The following WRNIP1 variants were observed in gnomAD, a reference collection of about 807,000 sequenced individuals.
The protein encoded by WRNIP1 is ATPase WRNIP1.
Under a neutral mutation model 56.1 loss-of-function variants are expected in WRNIP1, and 41 were observed. That is an observed-to-expected ratio of 0.73 (90% CI 0.57 to 0.95). The LOEUF (loss-of-function observed/expected upper bound fraction) is 0.95, where lower values mean the gene tolerates loss of function less well. WRNIP1 is among the 40% of genes least tolerant of loss of function. The pLI is 0.00. For synonymous variants in WRNIP1, 547 were observed against 398.1 expected (o/e 1.37, Z -4.45); for missense variants, 1,170 against 939.4 (o/e 1.25, Z -3.21).
rs562373122 is a variant in WRNIP1, at chr6:2,774,603, A to G, written c.1256+4242A>G. On this transcript the variant is annotated intron_variant, in intron 3 of 6. Coordinates refer to ENST00000380773, the MANE Select transcript of WRNIP1 (RefSeq NM_020135.3). ...CCTTAGTTACATCTACAAAGACCCT[A>G]TTTCCAAATAAAGTCACAGTCACAG... Among the ~76,000 whole-genome samples, 3 of 152,314 alleles carry G rather than the reference A, an allele frequency of 2.0e-5. No individual in the cohort carries two copies. The East Asian group carries it at 5.8e-4, about 29-fold the overall frequency.
chr6:2,769,659 T>A (rs1765191366), intron 2 of WRNIP1, among the ~76,000 whole-genome samples: 1 of 152,176 alleles, frequency 6.6e-6, no homozygotes, highest in Non-Finnish European at 1.5e-5. Context: ...TCTTAGTATT[T>A]TTTCCCCATA....
chr6:2,784,250 T>C, intron 5 of WRNIP1, 74 bp from the exon 6 acceptor site: 1 of 1,424,192 alleles, frequency 7.0e-7, no homozygotes, highest in South Asian at 1.2e-5. Context: ...TGGTGGTCTG[T>C]GGTCGCCTGC....
intron 3 of WRNIP1, chr6:2,773,773 G>A: frequency 2.0e-6 from 2 of 984,154 alleles, no homozygotes; most frequent in Non-Finnish European, 2.4e-6. Context: ...CACTCCTAAA[G>A]AATCAATTAT....
At chr6:2,783,162 A>G (rs1468016541) in intron 4 of WRNIP1, among the ~76,000 whole-genome samples, 1 of 151,836 alleles carries the variant, frequency 6.6e-6, no homozygotes, top group Non-Finnish European at 1.5e-5. Flanking sequence ...GTGTGCGTGC[A>G]CTCCATGTCG....
intron 3 of WRNIP1, among the ~76,000 whole-genome samples, chr6:2,776,444 G>A (rs1159602509): frequency 6.6e-6 from 1 of 152,170 alleles, no homozygotes; most frequent in East Asian, 1.9e-4. Context: ...TATACCCAAG[G>A]GGAGGAAGAA....
At position 2,783,548 on chromosome 6, in the gene WRNIP1, C is replaced by G. The variant is rs776679169; in HGVS notation, c.1629C>G (p.Ala543=). 2 of 1,610,222 alleles carry G rather than the reference C, an allele frequency of 1.2e-6. No individual in the cohort carries two copies. Among genetic ancestry groups the G allele is most frequent in the East Asian group, 4.5e-5 (2 of 44,702 alleles). ...LYVARRLVRF[A]SEDIGLADPS... ...TGGCACGGAGGCTTGTCAGGTTTGC[C>G]AGCGAGGACATAGGTGAGTGTGATG... Residue 543 remains alanine (A), a synonymous_variant, in exon 5 of 7, where the codon GCC becomes GCG. Coordinates refer to ENST00000380773, the MANE Select transcript of WRNIP1 (RefSeq NM_020135.3).
intron 3 of WRNIP1, among the ~76,000 whole-genome samples, chr6:2,776,156 T>G (rs915109405): frequency 6.6e-6 from 1 of 152,248 alleles, no homozygotes; most frequent in Non-Finnish European, 1.5e-5. Flanking sequence ...ATGAGTTCTC[T>G]CATGGGCTTC....
At chr6:2,767,157 T>TTAGCGTTCCAGATGAGGGCAGTTAGG (rs1270267707) in intron 1 of WRNIP1, among the ~76,000 whole-genome samples, 1 of 152,214 alleles carries the variant, frequency 6.6e-6, no homozygotes, top group African/African-American at 2.4e-5. Context: ...TCGTGAGGCG[T>TTAGCGTTCCAGATGAGGGCAGTTAGG]TAGCGTTCCA....
At position 2,765,451 on chromosome 6, in the gene WRNIP1, C is replaced by T; in HGVS notation, c.-172C>T. 3.9e-6 allele frequency: 3 copies of T among 766,822 alleles called. No homozygotes were observed. The highest frequency in any genetic ancestry group is 5.2e-6 in the Non-Finnish European group (3 of 574,696). The allele number at this position is 766,822 out of a possible 1,614,324, so 47.5% of individuals were successfully genotyped here. A position where few individuals can be genotyped will look rare whatever the true frequency, so the allele number is the denominator to read the frequency against. On this transcript the variant is annotated 5_prime_UTR_variant, in exon 1 of 7. Transcript: ENST00000380773. The stretch of plus-strand genomic sequence containing the variant: ...GCGGCCGGCCGAGGGCGGGCGGACG[C>T]GGGAGCTGCGGACGTGAGGCATGAG...
Position 2,785,081 on chromosome 6 carries a change from C to G in WRNIP1, c.1797C>G (p.Asn599Lys), listed in dbSNP as rs148404468. ...KSIEVYSAYN[N>K]VKACLRNHQG... The stretch of plus-strand genomic sequence containing the variant: ...TTGAGGTGTACAGCGCCTACAACAA[C>G]GTCAAAGCCTGCCTGAGGAACCACC... Residue 599 changes from asparagine (N) to lysine (K), a missense_variant, in exon 7 of 7, where the codon AAC becomes AAG. Physicochemically the swap from Asn to Lys is moderately conservative, Grantham distance 94 (BLOSUM62 0). Transcript: ENST00000380773. 1.2e-6 allele frequency: 2 copies of G among 1,614,188 alleles called. No homozygotes were observed. Among genetic ancestry groups the G allele is most frequent in the Admixed American group, 3.3e-5 (2 of 60,016 alleles).
At chr6:2,767,454 T>G (rs1765068200) in intron 1 of WRNIP1, among the ~76,000 whole-genome samples, 1 of 152,260 alleles carries the variant, frequency 6.6e-6, no homozygotes, top group Non-Finnish European at 1.5e-5. Context: ...TCCCACAACT[T>G]AAGCACACCC....
chr6:2,785,368 G>C lies in WRNIP1; in HGVS notation c.*86G>C. ...TAGTGGATTGCAAAGTTGGTTGCCT[G>C]GTGGAAGTTAGAACAGACCAACATT... On this transcript the variant is annotated 3_prime_UTR_variant, in exon 7 of 7. Transcript: ENST00000380773. 1 of 1,511,784 alleles carries C rather than the reference G, an allele frequency of 6.6e-7. No homozygotes were observed. The highest frequency in any genetic ancestry group is 8.9e-7 in the Non-Finnish European group (1 of 1,119,902). 93.6% of individuals were successfully genotyped at this position (1,511,784 alleles called of 1,614,324 possible). A position where few individuals can be genotyped will look rare whatever the true frequency, so the allele number is the denominator to read the frequency against.
intron 3 of WRNIP1, chr6:2,773,158 C>T: frequency 1.0e-6 from 1 of 985,388 alleles, no homozygotes; most frequent in African/African-American, 1.7e-5. Context: ...GATAAATTCC[C>T]ATTAAAGTGA....
rs766057860 is a variant in WRNIP1 at position 2,765,579 on chromosome 6, G to A, written c.-44G>A. 6.2e-6 allele frequency: 9 copies of A among 1,441,468 alleles called. No individual in the cohort carries two copies. In the Admixed American group the frequency reaches 1.8e-4, roughly 29 times the overall value. The allele number at this position is 1,441,468 out of a possible 1,614,324, so 89.3% of individuals were successfully genotyped here. A position where few individuals can be genotyped will look rare whatever the true frequency, so the allele number is the denominator to read the frequency against. On this transcript the variant is annotated 5_prime_UTR_variant, in exon 1 of 7. Coordinates refer to ENST00000380773, the MANE Select transcript of WRNIP1 (RefSeq NM_020135.3). ...CATCGAAGGCCTCCGCGTGCGCACG[G>A]GTTGCTGCGGCCGCGCCGGGCGCCG...
chr6:2,785,411 G>C lies in WRNIP1; in HGVS notation c.*129G>C. 2.8e-6 allele frequency: 3 copies of C among 1,066,166 alleles called. No individual in the cohort carries two copies. Among genetic ancestry groups the C allele is most frequent in the Admixed American group, 5.3e-5 (2 of 37,678 alleles). The allele number at this position is 1,066,166 out of a possible 1,614,324, so 66.0% of individuals were successfully genotyped here. A position where few individuals can be genotyped will look rare whatever the true frequency, so the allele number is the denominator to read the frequency against. On this transcript the variant is annotated 3_prime_UTR_variant, in exon 7 of 7. Coordinates refer to ENST00000380773, the MANE Select transcript of WRNIP1 (RefSeq NM_020135.3). ...CCAACATTTTGTGCCAGAAATTTAAGAGTTCCATAGGTGGAGGCGCAGTTC... is the reference window on the plus strand; with the variant it reads ...CCAACATTTTGTGCCAGAAATTTAACAGTTCCATAGGTGGAGGCGCAGTTC...
In WRNIP1 at chr6:2,765,685, C is replaced by A. The variant is rs528317955; in HGVS notation, c.63C>A (p.Pro21=). ...FLSQLHQVQC[P]VCQQMMPAAH... is the part of the protein sequence containing the mutation. Reference sequence around the variant, plus strand: ...CGCAGCTGCACCAGGTGCAGTGCCCCGTGTGCCAGCAGATGATGCCCGCCG... The same window carrying A: ...CGCAGCTGCACCAGGTGCAGTGCCCAGTGTGCCAGCAGATGATGCCCGCCG... The change falls in exon 1 of 7, where the codon CCC becomes CCA. Residue 21 remains proline (P), a synonymous_variant. Coordinates refer to ENST00000380773, the MANE Select transcript of WRNIP1 (RefSeq NM_020135.3). 6.4e-7 allele frequency: 1 copy of A among 1,550,710 alleles called. No homozygotes were observed. Among genetic ancestry groups the A allele is most frequent in the Non-Finnish European group, 8.6e-7 (1 of 1,156,622 alleles).
At chr6:2,770,627 T>C (rs1336647053) in intron 3 of WRNIP1, among the ~76,000 whole-genome samples, 1 of 152,236 alleles carries the variant, frequency 6.6e-6, no homozygotes, top group Non-Finnish European at 1.5e-5. Flanking sequence ...GTTTTGGTTC[T>C]TGGGTGTTTG....
intron 5 of WRNIP1, 120 bp from the exon 6 acceptor site, chr6:2,784,204 A>T: frequency 1.2e-6 from 1 of 803,606 alleles, no homozygotes; most frequent in Non-Finnish European, 2.0e-6. Flanking sequence ...CTGTTTTGCT[A>T]CATGGGATTG....
Position 2,783,428 on chromosome 6 carries a change from C to A in WRNIP1, c.1509C>A (p.Ile503=). 6.2e-7 allele frequency: 1 copy of A among 1,608,978 alleles called. No homozygotes were observed. Among genetic ancestry groups the A allele is most frequent in the Admixed American group, 1.7e-5 (1 of 59,612 alleles). ...CAGGTGAGGAGCATTACAACTGCAT[C>A]TCCGCCCTGCACAAGTCCATGCGGG... ...DRAGEEHYNC[I]SALHKSMRGS... is the part of the protein sequence containing the mutation. The change falls in exon 5 of 7, where the codon ATC becomes ATA. Residue 503 remains isoleucine (I), a synonymous_variant. Coordinates refer to ENST00000380773, the MANE Select transcript of WRNIP1 (RefSeq NM_020135.3).
Sources: gnomAD v4.1 joint callset for allele counts (sites outside exome capture counted in the v4.1 genomes callset) on GRCh38, gnomAD v4.1.1 for gene constraint, MANE v1.5 for transcripts, NCBI Gene and HGNC (gene_info 2026-07-23, HGNC 2026-07-21) for gene names.